The following UNC13B variants were observed in gnomAD, a reference collection of about 807,000 sequenced individuals.
UNC13B encodes the protein protein unc-13 homolog B.
UNC13B carries 144 observed loss-of-function variants against 211.0 expected under a neutral mutation model. That is an observed-to-expected ratio of 0.68 (90% CI 0.60 to 0.78). UNC13B has a LOEUF of 0.78. Among genes scored for constraint, UNC13B ranks in the 30% least tolerant of loss-of-function variants. The probability of loss-of-function intolerance (pLI) is 0.00; values close to 1 mark genes in which losing one functional copy is unlikely to be tolerated. For missense variants in UNC13B, 1,777 were observed against 2,002.0 expected (o/e 0.89, Z 2.14); for synonymous variants, 709 against 725.8 (o/e 0.98, Z 0.37).
Position 35,396,886 on chromosome 9 carries a change from T to C in UNC13B, c.11481T>C (p.Asp3827=), listed in dbSNP as rs748503448. ...TACAATGGCTGGATGAGAATGAGGATGTATCCCTGGAATTCCTGCGTGGGG... is the reference window on the plus strand; with the variant it reads ...TACAATGGCTGGATGAGAATGAGGACGTATCCCTGGAATTCCTGCGTGGGG... ...FVLQWLDENE[D]VSLEFLRGAL... is the part of the protein sequence containing the mutation. The change falls in exon 28 of 40, where the codon GAT becomes GAC. Residue 3827 remains aspartate, a synonymous_variant. Transcript: ENST00000635942. 1 of 1,614,142 alleles carries C rather than the reference T, an allele frequency of 6.2e-7. No homozygotes were observed. Among genetic ancestry groups the C allele is most frequent in the African/African-American group, 1.3e-5 (1 of 75,034 alleles).
At chr9:35,163,613 G>C (rs1820885485) in intron 1 of UNC13B, among the ~76,000 whole-genome samples, 1 of 152,206 alleles carries the variant, frequency 6.6e-6, no homozygotes, top group African/African-American at 2.4e-5. Context: ...GGACTTTGCT[G>C]TGTCTCTTGG....
chr9:35,379,023 G>A (rs1226207870), intron 17 of UNC13B, among the ~76,000 whole-genome samples: 1 of 152,118 alleles, frequency 6.6e-6, no homozygotes, highest in East Asian at 1.9e-4. Context: ...TTGAAAAATG[G>A]CAAACTAATG....
intron 1 of UNC13B, among the ~76,000 whole-genome samples, chr9:35,200,835 C>T (rs930733918): frequency 6.6e-6 from 1 of 152,186 alleles, no homozygotes; most frequent in African/African-American, 2.4e-5. Flanking sequence ...ATTTCTTTCT[C>T]TTGCCTGATT....
rs746035119 is a variant in UNC13B at position 35,396,520 on chromosome 9, C to A, written c.11353C>A (p.Leu3785Met). 3 of 1,614,158 alleles carry A rather than the reference C, an allele frequency of 1.9e-6. 1 individual carries two copies. The highest frequency in any genetic ancestry group is 1.1e-5 in the South Asian group (1 of 91,066). The part of the protein sequence containing the change: ...HLCKSADYMN[L>M]HFKVKWLHNE... ...GTGTAAAAGTGCTGACTACATGAAC[C>A]TGCACTTCAAGGTGAAGTGGCTCCA... Residue 3785 changes from leucine to methionine, a missense_variant, in exon 27 of 40, where the codon CTG becomes ATG. By Grantham distance (15) the Leu-to-Met change is conservative. Transcript: ENST00000635942.
At chr9:35,366,303 A>C (rs550912877) in intron 11 of UNC13B, among the ~76,000 whole-genome samples, 2 of 152,276 alleles carry the variant, frequency 1.3e-5, no homozygotes, top group South Asian at 4.1e-4. Flanking sequence ...CCTTCCTTGA[A>C]TTATTTGGTG....
intron 11 of UNC13B, among the ~76,000 whole-genome samples, chr9:35,338,537 C>G (rs976430838): frequency 6.6e-6 from 1 of 152,090 alleles, no homozygotes; most frequent in Non-Finnish European, 1.5e-5. Context: ...GTAGGGAGGG[C>G]ATCATTCTAC....
At chr9:35,258,849 A>G in intron 6 of UNC13B, 144 bp from the exon 7 acceptor site, 1 of 705,308 alleles carries the variant, frequency 1.4e-6, no homozygotes, top group Non-Finnish European at 2.3e-6. Context: ...CAGAGAAAAT[A>G]GGAGCAGGAT....
At chr9:35,218,745 T>G (rs374117369) in intron 1 of UNC13B, among the ~76,000 whole-genome samples, 2 of 151,698 alleles carry the variant, frequency 1.3e-5, no homozygotes, top group East Asian at 1.9e-4. Context: ...GTTTTTCTTT[T>G]TCTTTTCTCT....
chr9:35,243,282 T>C lies in UNC13B; in HGVS notation c.395-9T>C, dbSNP rs753621502. The C allele has an allele frequency of 6.2e-7, 1 of 1,612,852 alleles. No homozygotes were observed. On this transcript the variant is annotated splice_polypyrimidine_tract_variant and intron_variant, in intron 5 of 39. Coordinates refer to ENST00000635942, the MANE Select transcript of UNC13B (RefSeq NM_001371189.2). ...ATTTCTTTTCTTTTTCTTCTTTTTT[T>C]TATGGTAGATATCCCAGAGGAGGAA...
At chr9:35,383,422 G>A (rs1054924658) in intron 21 of UNC13B, among the ~76,000 whole-genome samples, 1 of 152,146 alleles carries the variant, frequency 6.6e-6, no homozygotes, top group African/African-American at 2.4e-5. Flanking sequence ...CCAATTCACT[G>A]AGTCTATGAA....
chr9:35,400,332 A>G lies in UNC13B; in HGVS notation c.12373A>G (p.Thr4125Ala). The G allele has an allele frequency of 1.9e-6, 3 of 1,614,066 alleles. No individual in the cohort carries two copies. The highest frequency in any genetic ancestry group is 2.5e-6 in the Non-Finnish European group (3 of 1,179,960). Residue 4125 changes from threonine (T) to alanine (A), a missense_variant, in exon 37 of 40, where the codon ACC becomes GCC. Thr to Ala is a moderately conservative substitution (Grantham distance 58). Coordinates refer to ENST00000635942, the MANE Select transcript of UNC13B (RefSeq NM_001371189.2). The stretch of plus-strand genomic sequence containing the variant: ...TGCAGGAGGCAATGGGCTGAAGAAA[A>G]CCTTCCTGGAGAAGAGCCCAGATCT... ...FHAGGNGLKK[T>A]FLEKSPDLQS...
At chr9:35,355,204 A>C (rs1832951849) in intron 11 of UNC13B, among the ~76,000 whole-genome samples, 1 of 152,204 alleles carries the variant, frequency 6.6e-6, no homozygotes, top group African/African-American at 2.4e-5. Flanking sequence ...AATACAATAC[A>C]CACACTTATA....
At chr9:35,353,018 C>G in intron 11 of UNC13B, 2 of 1,232,118 alleles carry the variant, frequency 1.6e-6, no homozygotes, top group Non-Finnish European at 2.0e-6. Context: ...CGAAGCTGGG[C>G]TCGATATTCT....
chr9:35,169,459 A>G (rs1025145408), intron 1 of UNC13B, among the ~76,000 whole-genome samples: 1 of 152,218 alleles, frequency 6.6e-6, no homozygotes, highest in African/African-American at 2.4e-5. Flanking sequence ...CCATTGTGGA[A>G]AGTAGGAATG....
chr9:35,348,072 A>G (rs546416453), intron 11 of UNC13B, among the ~76,000 whole-genome samples: 1 of 152,312 alleles, frequency 6.6e-6, no homozygotes, highest in South Asian at 2.1e-4. Context: ...CCCCATCTCT[A>G]CTAAAACAAA....
chr9:35,188,982 A>G (rs1399700264), intron 1 of UNC13B, among the ~76,000 whole-genome samples: 1 of 152,218 alleles, frequency 6.6e-6, no homozygotes, highest in Admixed American at 6.5e-5. Context: ...TTTTATTTCA[A>G]TACTCAATTT....
intron 7 of UNC13B, among the ~76,000 whole-genome samples, chr9:35,288,889 C>A (rs1352437522): frequency 1.3e-5 from 2 of 151,898 alleles, no homozygotes; most frequent in African/African-American, 4.8e-5. Context: ...CTGGAGCAAT[C>A]TAAGTTGATA....
intron 1 of UNC13B, among the ~76,000 whole-genome samples, chr9:35,184,808 G>T (rs1475856656): frequency 1.0e-5 from 1 of 95,996 alleles, no homozygotes; most frequent in African/African-American, 4.2e-5. Context: ...AAGCGGGGGG[G>T]GGGGGGGAGA....
intron 11 of UNC13B, among the ~76,000 whole-genome samples, chr9:35,334,260 CT>C (rs1831530514): frequency 6.6e-6 from 1 of 152,230 alleles, no homozygotes; most frequent in Non-Finnish European, 1.5e-5. Context: ...GCCACTGCAC[CT>C]AGCCCTGATA....
Sources: allele counts gnomAD v4.1 joint callset (sites outside exome capture counted in the v4.1 genomes callset), GRCh38; gene constraint gnomAD v4.1.1; transcripts MANE v1.5; gene names NCBI Gene and HGNC (gene_info 2026-07-23, HGNC 2026-07-21).